Variants in ACOT11 observed in about 807,000 individuals in gnomAD.
The protein encoded by ACOT11 is acyl-CoA thioesterase 11.
Under a neutral mutation model 77.5 loss-of-function variants are expected in ACOT11, and 69 were observed. The observed-to-expected ratio is 0.89, with a 90% CI of 0.73 to 1.09. The LOEUF (loss-of-function observed/expected upper bound fraction) is 1.09. Ranked by LOEUF, ACOT11 falls within the 50% of genes least tolerant of loss-of-function variation. The pLI is 0.00. For synonymous variants in ACOT11, 279 were observed against 313.0 expected (o/e 0.89, Z 1.15); for missense variants, 766 against 813.7 (o/e 0.94, Z 0.71).
At position 54,610,184 on chromosome 1, in the gene ACOT11, C is replaced by T. The variant is rs1322865098; in HGVS notation, c.*1072C>T. ...ACTCAGCCTGGGGGCTGGTGCCGGCCTTGCCTGCAGCAATGTAGCTGAGGA... is the reference window on the plus strand; with the variant it reads ...ACTCAGCCTGGGGGCTGGTGCCGGCTTTGCCTGCAGCAATGTAGCTGAGGA... On this transcript the variant is annotated 3_prime_UTR_variant, in exon 16 of 16. Coordinates refer to ENST00000343744, the MANE Select transcript of ACOT11 (RefSeq NM_147161.4). 1 of 1,433,088 alleles carries T rather than the reference C, an allele frequency of 7.0e-7. No individual in the cohort carries two copies. The highest frequency in any genetic ancestry group is 1.5e-5 in the South Asian group (1 of 66,196). The allele number at this position is 1,433,088 out of a possible 1,614,324, so 88.8% of individuals were successfully genotyped here.
intron 3 of ACOT11, among the ~76,000 whole-genome samples, chr1:54,586,430 T>C (rs1219920659): frequency 6.6e-6 from 1 of 151,502 alleles, no homozygotes; most frequent in Non-Finnish European, 1.5e-5. Context: ...TAGACTTTTT[T>C]TTTTTTTTCT....
intron 1 of ACOT11, among the ~76,000 whole-genome samples, chr1:54,579,527 C>T (rs1654230373): frequency 6.6e-6 from 1 of 152,182 alleles, no homozygotes; most frequent in Non-Finnish European, 1.5e-5. Flanking sequence ...CCTTGGGTTT[C>T]TCTGAGAGGC....
chr1:54,602,895 C>T (rs1043588861), intron 10 of ACOT11, among the ~76,000 whole-genome samples, 171 bp downstream of exon 10: 2 of 152,226 alleles, frequency 1.3e-5, no homozygotes, highest in Non-Finnish European at 2.9e-5. Context: ...GCCTGTTGTA[C>T]ACACGAGGAC....
downstream of ACOT11, chr1:54,612,661 C>A (rs1281336552): frequency 4.3e-6 from 7 of 1,614,078 alleles, no homozygotes; most frequent in Non-Finnish European, 5.1e-6. Context: ...GTGGTCCAGC[C>A]TGGAGATAGG....
chr1:54,617,709 A>AGTTTTT (rs1644187476), intron 15 of ACOT11, among the ~76,000 whole-genome samples: 1 of 55,740 alleles, frequency 1.8e-5, no homozygotes, highest in Non-Finnish European at 3.0e-5. Context: ...AGGGCCTGAG[A>AGTTTTT]TTTTTTTTTT....
intron 1 of ACOT11, among the ~76,000 whole-genome samples, chr1:54,571,975 C>A (rs957642727): frequency 2.6e-5 from 4 of 152,068 alleles, no homozygotes; most frequent in Non-Finnish European, 4.4e-5. Flanking sequence ...TGAAGGGGCC[C>A]ACTGGGCTGC....
Position 54,584,815 on chromosome 1 carries a change from G to A in ACOT11, c.194G>A (p.Ser65Asn), listed in dbSNP as rs761309413. The A allele has an allele frequency of 6.2e-7, 1 of 1,614,072 alleles. No individual in the cohort carries two copies. Among genetic ancestry groups the A allele is most frequent in the Non-Finnish European group, 8.5e-7 (1 of 1,180,032 alleles). Residue 65 changes from serine (S) to asparagine (N), a missense_variant, in exon 2 of 16, where the codon AGC (serine) becomes AAC (asparagine). By Grantham distance (46) the Ser-to-Asn change is conservative (BLOSUM62 1). Coordinates refer to ENST00000343744, the MANE Select transcript of ACOT11 (RefSeq NM_147161.4). The surrounding 1 kb of genome is among the most constrained non-coding windows in gnomAD (Gnocchi z 6.3). ...CACACCAACCAACGTGGTGAGCTGA[G>A]CGTCGGGCAGCTGCTCAAGTGGATT... ...PCHTNQRGEL[S>N]VGQLLKWIDT...
intron 1 of ACOT11, among the ~76,000 whole-genome samples, chr1:54,570,320 T>C (rs915347379): frequency 6.6e-6 from 1 of 152,206 alleles, no homozygotes. Flanking sequence ...GAATTCTGTC[T>C]TGGTAGAGAG....
At chr1:54,623,636 C>T (rs1644252876) in intron 15 of ACOT11, 1 of 464,014 alleles carries the variant, frequency 2.2e-6, no homozygotes, top group Non-Finnish European at 3.8e-6. Context: ...ACCAGAATAT[C>T]TACCATATCT....
chr1:54,579,671 GTGGGTGCAAGGCCTCTTCTCCC>G (rs1441676634), intron 1 of ACOT11, among the ~76,000 whole-genome samples: 47 of 152,306 alleles, frequency 3.1e-4, no homozygotes, highest in African/African-American at 1.1e-3. Context: ...CAACTCTGGA[GTGGGTGCAAGGCCTCTTCTCCC>G]TGCCCGCCCC....
chr1:54,612,550 C>A (rs1336904962), downstream of ACOT11: 2 of 1,613,944 alleles, frequency 1.2e-6, no homozygotes, highest in African/African-American at 1.3e-5. Context: ...GAAGACCGTA[C>A]AGGGAAGGTG....
At chr1:54,624,428 C>T (rs935824444) in intron 15 of ACOT11, among the ~76,000 whole-genome samples, 1 of 152,118 alleles carries the variant, frequency 6.6e-6, no homozygotes, top group Non-Finnish European at 1.5e-5. Context: ...TTCCTGAGTC[C>T]ATTTTCCTGC....
intron 6 of ACOT11, among the ~76,000 whole-genome samples, chr1:54,596,528 A>G (rs1279079173): frequency 6.6e-6 from 1 of 152,220 alleles, no homozygotes; most frequent in Non-Finnish European, 1.5e-5. Flanking sequence ...GAAGGCAGGG[A>G]AAAACCATCC....
chr1:54,620,539 C>T (rs1644219664), intron 15 of ACOT11, among the ~76,000 whole-genome samples: 1 of 151,314 alleles, frequency 6.6e-6, no homozygotes, highest in Non-Finnish European at 1.5e-5. Context: ...AACCATGTCT[C>T]TACTACACAT....
intron 15 of ACOT11, among the ~76,000 whole-genome samples, chr1:54,625,511 C>T (rs375584279): frequency 6.6e-6 from 1 of 152,148 alleles, no homozygotes; most frequent in East Asian, 1.9e-4. Flanking sequence ...GGTGTGTTAA[C>T]TGGGATATTA....
chr1:54,621,185 G>A (rs374704149), intron 15 of ACOT11, among the ~76,000 whole-genome samples: 2 of 150,910 alleles, frequency 1.3e-5, no homozygotes, highest in African/African-American at 4.9e-5. Context: ...ACCTGCGCGC[G>A]GCGGCTGACG....
downstream of ACOT11, chr1:54,614,869 A>C: frequency 6.2e-7 from 1 of 1,612,874 alleles, no homozygotes; most frequent in South Asian, 1.1e-5. Flanking sequence ...CCTGTGGGGA[A>C]AGGAACAAGG....
Position 54,584,881 on chromosome 1 carries a change from T to C in ACOT11, c.241+19T>C. ...CTGTCCGGTAAGGCTGCGCTCCCCA[T>C]GGTTCCCTACCTGCCCCACAGGCCC... On this transcript the variant is annotated intron_variant, in intron 2 of 15. Transcript: ENST00000343744. The surrounding 1 kb of genome is among the most constrained non-coding windows in gnomAD (Gnocchi z 6.3). 6.2e-7 allele frequency: 1 copy of C among 1,601,524 alleles called. No homozygotes were observed.
chr1:54,632,069 ATCAGCGAG>A lies in ACOT11; in HGVS notation c.1782+1188_1782+1195del, dbSNP rs1003165576. 7.9e-5 allele frequency among the ~76,000 whole-genome samples: 12 copies of A among 152,344 alleles called. No homozygotes were observed. In the South Asian group the frequency reaches 1.5e-3, roughly 18 times the overall value. On this transcript the variant is annotated intron_variant, in intron 16 of 16. Transcript: ENST00000371316. ...CATACTAAAAAAGAATGTAGAAAAA[ATCAGCGAG>A]TCAGGCCACCAGATAGGGGAAAAAA...
Sources: allele counts gnomAD v4.1 joint callset (sites outside exome capture counted in the v4.1 genomes callset), GRCh38; gene constraint gnomAD v4.1.1; non-coding constraint Gnocchi (gnomAD v3.1); transcripts MANE v1.5; gene names NCBI Gene and HGNC (gene_info 2026-07-23, HGNC 2026-07-21).